PI4KA: variants seen among roughly 807,000 people sequenced by gnomAD.
The protein encoded by PI4KA is phosphatidylinositol 4-kinase alpha, also known as PI4-kinase alpha.
PI4KA carries 122 observed loss-of-function variants against 271.4 expected under a neutral mutation model. The ratio of observed to expected loss-of-function variants is 0.45; its 90% CI spans 0.39 to 0.52. The LOEUF (loss-of-function observed/expected upper bound fraction) is 0.52. Ranked by LOEUF, PI4KA falls within the 20% of genes least tolerant of loss-of-function variation. PI4KA has a pLI of 0.00. For synonymous variants in PI4KA, 1,041 were observed against 1,078.8 expected, an observed-to-expected ratio of 0.96 and a Z score of 0.69; for missense variants, 1,969 against 2,769.1, an observed-to-expected ratio of 0.71 and a Z score of 6.48.
At chr22:20,721,259 A>T in intron 43 of PI4KA, 39 bp downstream of exon 43, 1 of 1,611,498 alleles carries the variant, frequency 6.2e-7, no homozygotes, top group South Asian at 1.1e-5. Context: ...AGTGCACTGA[A>T]GACAGTAAGT....
chr22:20,850,981 G>A (rs1338823690), intron 1 of PI4KA, among the ~76,000 whole-genome samples: 1 of 152,106 alleles, frequency 6.6e-6, no homozygotes, highest in African/African-American at 2.4e-5. Flanking sequence ...GGAATTCAAG[G>A]TGGTAGTAAG....
chr22:20,727,890 G>A, intron 39 of PI4KA, 26 bp from the exon 40 acceptor site: 2 of 1,577,462 alleles, frequency 1.3e-6, no homozygotes, highest in African/African-American at 1.3e-5. Context: ...GGTATGGGTG[G>A]TGCTGCCTCG....
chr22:20,798,917 T>C (rs1935132148), intron 16 of PI4KA, 176 bp downstream of exon 16: 1 of 638,432 alleles, frequency 1.6e-6, no homozygotes, highest in Non-Finnish European at 2.7e-6. Context: ...ATTAAACCTC[T>C]TTTTCCCCAG....
intron 38 of PI4KA, 52 bp downstream of exon 38, chr22:20,729,580 G>A (rs1927767065): frequency 1.3e-6 from 2 of 1,551,236 alleles, no homozygotes; most frequent in Non-Finnish European, 1.7e-6. Context: ...GCCACCAGGT[G>A]TCGTACAGGC....
Position 20,804,145 on chromosome 22 carries a change from A to C in PI4KA, c.1461+155T>G, listed in dbSNP as rs544959838. On this transcript the variant is annotated intron_variant, in intron 12 of 54. Transcript: ENST00000255882. ...AGGGGGCAGCCCACACTCAGTGATG[A>C]ACTGTGCACAGCACGCACTGGTTAA... Among the ~76,000 whole-genome samples the C allele has an allele frequency of 0.03, 4,535 of 152,300 alleles. 221 individuals are homozygous for C. Among genetic ancestry groups the C allele is most frequent in the African/African-American group, 0.1 (4,249 of 41,560 alleles).
chr22:20,774,987 C>T (rs982443699), intron 19 of PI4KA, among the ~76,000 whole-genome samples: 4 of 152,092 alleles, frequency 2.6e-5, no homozygotes, highest in African/African-American at 9.7e-5. Flanking sequence ...ATTCTTTCAA[C>T]ATTTTTGGAA....
rs1158478955 is a variant in PI4KA at position 20,751,698 on chromosome 22, C to T, written c.3045G>A (p.Gln1015=). ...TVLKTMLDIL[Q]TLSLSLSADI... ...CAGCGCTCAGTGACAGTGACAGGGT[C>T]TGCAGGATGTCCAGCATGGTCTTCA... The change falls in exon 26 of 55, where the codon CAG becomes CAA. Residue 1015 remains glutamine, a synonymous_variant. Coordinates refer to ENST00000255882, the MANE Select transcript of PI4KA (RefSeq NM_058004.4). 3.1e-6 allele frequency: 5 copies of T among 1,613,994 alleles called. No homozygotes were observed. Among genetic ancestry groups the T allele is most frequent in the Non-Finnish European group, 4.2e-6 (5 of 1,179,984 alleles).
intron 19 of PI4KA, chr22:20,784,080 T>C (rs1188723636): frequency 1.2e-6 from 2 of 1,614,012 alleles, no homozygotes; most frequent in Non-Finnish European, 1.7e-6. Context: ...GGGAACTTCC[T>C]CGCAGCAAAT....
chr22:20,729,592 G>C (rs1221317079), intron 38 of PI4KA, 40 bp downstream of exon 38: 1 of 1,554,386 alleles, frequency 6.4e-7, no homozygotes, highest in Non-Finnish European at 8.7e-7. Context: ...CGTACAGGCA[G>C]GTGGCGGGCA....
intron 7 of PI4KA, among the ~76,000 whole-genome samples, chr22:20,817,734 C>CGAAAAAAAAAAAAA (rs1922009369): frequency 7.2e-5 from 1 of 13,952 alleles, no homozygotes. Context: ...ACTCTCTCTC[C>CGAAAAAAAAAAAAA]AAAAAAAAAA....
Position 20,827,671 on chromosome 22 carries a change from C to A in PI4KA, c.368-3257G>T, listed in dbSNP as rs189234907. 9.9e-5 allele frequency among the ~76,000 whole-genome samples: 15 copies of A among 152,246 alleles called. No homozygotes were observed. The East Asian group carries it at 1.9e-3, about 20-fold the overall frequency. ...GGCCATGTTAACAATATTGATTCTT[C>A]CTATCTATGAGCATGGGATGTTTTT... On this transcript the variant is annotated intron_variant, in intron 3 of 54. Coordinates refer to ENST00000255882, the MANE Select transcript of PI4KA (RefSeq NM_058004.4).
chr22:20,755,630 G>A (rs1028049774), intron 23 of PI4KA, among the ~76,000 whole-genome samples: 7 of 151,816 alleles, frequency 4.6e-5, no homozygotes, highest in African/African-American at 1.5e-4. Context: ...GTGAAACCCC[G>A]TCTCTACTAA....
At chr22:20,758,459 C>CTTTTTTTTTTTTTTTTTTTTTTTTTTT (rs35401829) in intron 23 of PI4KA, among the ~76,000 whole-genome samples, 2 of 85,018 alleles carry the variant, frequency 2.4e-5, no homozygotes, top group African/African-American at 4.7e-5. Context: ...TCTTTCTTTT[C>CTTTTTTTTTTTTTTTTTTTTTTTTTTT]TTTTTTTTTT....
intron 42 of PI4KA, 35 bp from the exon 43 acceptor site, chr22:20,721,453 G>A (rs757465430): frequency 8.7e-6 from 14 of 1,610,094 alleles, no homozygotes; most frequent in African/African-American, 6.7e-5. Flanking sequence ...AGCCAGGCTC[G>A]GCCCTCTCCA....
intron 5 of PI4KA, 37 bp downstream of exon 5, chr22:20,820,501 CA>C: frequency 7.3e-7 from 1 of 1,379,052 alleles, no homozygotes; most frequent in Non-Finnish European, 1.0e-6. Context: ...AGAGTAACCA[CA>C]AAACCATTTT....
At chr22:20,775,656 GCTTT>G (rs964052315) in intron 19 of PI4KA, among the ~76,000 whole-genome samples, 3 of 151,806 alleles carry the variant, frequency 2.0e-5, no homozygotes, top group Admixed American at 1.3e-4. Flanking sequence ...TCTTCTTTTG[GCTTT>G]CTTTTTTAAA....
rs1362414411 is a variant in PI4KA, at chr22:20,761,365, A to C, written c.2730T>G (p.Pro910=). The change falls in exon 23 of 55, where the codon CCT becomes CCG. Residue 910 remains proline (P), a synonymous_variant. Coordinates refer to ENST00000255882, the MANE Select transcript of PI4KA (RefSeq NM_058004.4). Reference sequence around the variant, plus strand: ...AGCAGAACATTACCTGGAAGCGATCAGGATCTGTTGAACGCAGTACCCTAA... The same window carrying C: ...AGCAGAACATTACCTGGAAGCGATCCGGATCTGTTGAACGCAGTACCCTAA... ...EYMRVLRSTD[P]DRFQVMFCYF... 6.2e-7 allele frequency: 1 copy of C among 1,612,256 alleles called. No individual in the cohort carries two copies.
chr22:20,822,669 T>C (rs796115555), intron 4 of PI4KA, among the ~76,000 whole-genome samples: 11 of 152,280 alleles, frequency 7.2e-5, no homozygotes, highest in African/African-American at 2.6e-4. Flanking sequence ...TCCAAACCAT[T>C]TGGCCCTCAG....
At chr22:20,770,590 ACAC>A (rs1932830733) in intron 19 of PI4KA, among the ~76,000 whole-genome samples, 1 of 95,068 alleles carries the variant, frequency 1.1e-5, no homozygotes, top group Non-Finnish European at 2.1e-5. Flanking sequence ...ACACACACAC[ACAC>A]ACACACACAC....
Sources: allele counts gnomAD v4.1 joint callset (sites outside exome capture counted in the v4.1 genomes callset), GRCh38; gene constraint gnomAD v4.1.1; transcripts MANE v1.5; gene names NCBI Gene and HGNC (gene_info 2026-07-23, HGNC 2026-07-21).